Variants in SLC12A1 observed in about 807,000 individuals in gnomAD.
SLC12A1 encodes solute carrier family 12 member 1, also known as Na-K-2Cl cotransporter.
SLC12A1 carries 89 observed loss-of-function variants against 130.4 expected under a neutral mutation model. The observed-to-expected ratio is 0.68, with a 90% CI of 0.58 to 0.81. The LOEUF is 0.81. SLC12A1 is among the 40% of genes least tolerant of loss of function. SLC12A1 has a pLI of 0.00. For missense variants in SLC12A1, 1,310 were observed against 1,336.4 expected (o/e 0.98, Z 0.31); for synonymous variants, 499 against 460.0 (o/e 1.08, Z -1.09).
chr15:48,229,450 G>A (rs1217070780), intron 6 of SLC12A1, 122 bp downstream of exon 6: 2 of 946,412 alleles, frequency 2.1e-6, no homozygotes, highest in Non-Finnish European at 3.1e-6. Flanking sequence ...ATAGTGGAAG[G>A]AGCCTGGGCT....
In SLC12A1 at chr15:48,302,802, T is replaced by C. The variant is rs780186356; in HGVS notation, c.3217T>C (p.Trp1073Arg). 5.0e-6 allele frequency: 8 copies of C among 1,613,402 alleles called. No individual in the cohort carries two copies. The highest frequency in any genetic ancestry group is 1.7e-5 in the Admixed American group (1 of 60,002). ...CATATCGGATTTGTTGTATATGGCT[T>C]GGTTGGAAATCCTCACAAAGAACCT... The part of the protein sequence containing the change: ...GSISDLLYMA[W>R]LEILTKNLPP... The change falls in exon 27 of 27, where the codon TGG becomes CGG. Residue 1073 changes from tryptophan to arginine, a missense_variant. Transcript: ENST00000380993.
Position 48,269,768 on chromosome 15 carries a change from A to C in SLC12A1, c.2402+4A>C. 2 of 1,518,370 alleles carry C rather than the reference A, an allele frequency of 1.3e-6. No homozygotes were observed. The highest frequency in any genetic ancestry group is 1.8e-6 in the Non-Finnish European group (2 of 1,093,526). The allele number at this position is 1,518,370 out of a possible 1,614,324, so 94.1% of individuals were successfully genotyped here. ...AGAACTACGTGGGAATCATACAGTA[A>C]GTGATGGCTTTCAAGACGTGTTCTT... On this transcript the variant is annotated splice_donor_region_variant and intron_variant, in intron 19 of 26. Coordinates refer to ENST00000380993, the MANE Select transcript of SLC12A1 (RefSeq NM_000338.3).
chr15:48,292,657 G>T (rs1261264177), intron 24 of SLC12A1, among the ~76,000 whole-genome samples: 1 of 152,124 alleles, frequency 6.6e-6, no homozygotes, highest in Non-Finnish European at 1.5e-5. Context: ...AGTTCCCTTT[G>T]AGGGCCCTCT....
Position 48,289,423 on chromosome 15 carries a change from AT to A in SLC12A1, c.2873+908del, listed in dbSNP as rs1566857964. On this transcript the variant is annotated intron_variant, in intron 23 of 26. Transcript: ENST00000380993. Reference sequence around the variant, plus strand: ...TATATATATATATATATATATATATATATATAATGTATAACTATGTATAACT... The same window carrying A: ...TATATATATATATATATATATATATAATATAATGTATAACTATGTATAACT... 8.1e-3 allele frequency among the ~76,000 whole-genome samples: 855 copies of A among 105,538 alleles called. 20 individuals are homozygous for A. The highest frequency in any genetic ancestry group is 0.014 in the African/African-American group (391 of 27,424). The allele number at this position is 105,538 out of a possible 152,430, so 69.2% of individuals were successfully genotyped here. A position where few individuals can be genotyped will look rare whatever the true frequency, so the allele number is the denominator to read the frequency against.
At chr15:48,209,862 A>C (rs1363530838) in intron 2 of SLC12A1, among the ~76,000 whole-genome samples, 3 of 152,010 alleles carry the variant, frequency 2.0e-5, no homozygotes, top group African/African-American at 7.3e-5. Context: ...CCCCACCAAA[A>C]CTTGCTAGTC....
intron 15 of SLC12A1, among the ~76,000 whole-genome samples, chr15:48,255,600 G>A (rs2041698230): frequency 6.6e-6 from 1 of 152,208 alleles, no homozygotes; most frequent in Non-Finnish European, 1.5e-5. Context: ...TTGCTGGAAT[G>A]AAGCCTTAGC....
At chr15:48,296,986 AAACTT>A (rs2141126530) in intron 24 of SLC12A1, among the ~76,000 whole-genome samples, 1 of 152,322 alleles carries the variant, frequency 6.6e-6, no homozygotes, top group East Asian at 1.9e-4. Context: ...AAGTAAAAGA[AAACTT>A]AACTCACAGT....
At position 48,244,755 on chromosome 15, in the gene SLC12A1, G is replaced by C; in HGVS notation, c.1303G>C (p.Ala435Pro). The C allele has an allele frequency of 6.2e-7, 1 of 1,613,844 alleles. No individual in the cohort carries two copies. Among genetic ancestry groups the C allele is most frequent in the Non-Finnish European group, 8.5e-7 (1 of 1,179,838 alleles). ...AYLGVAICVG[A>P]CVVRDATGNM... is the part of the protein sequence containing the mutation. The stretch of plus-strand genomic sequence containing the variant: ...ACAAGCCACGGTTGTTTCCACAGGG[G>C]CCTGTGTGGTCCGAGATGCCACCGG... Residue 435 changes from alanine to proline, a missense_variant and splice_region_variant, in exon 11 of 27, where the codon GCC (alanine) becomes CCC (proline). Coordinates refer to ENST00000380993, the MANE Select transcript of SLC12A1 (RefSeq NM_000338.3).
rs144676557 is a variant in SLC12A1 at position 48,293,114 on chromosome 15, G to C, written c.2960+1250G>C. 4.4e-3 allele frequency among the ~76,000 whole-genome samples: 673 copies of C among 152,034 alleles called. 8 individuals carry two copies. The highest frequency in any genetic ancestry group is 0.044 in the Middle Eastern group (13 of 294). The stretch of plus-strand genomic sequence containing the variant: ...GGTAGAGACAGGCTTTCGCCATGTT[G>C]CCCAGGCTGGTCTCAAGCCCCTGAG... On this transcript the variant is annotated intron_variant, in intron 24 of 26. Coordinates refer to ENST00000380993, the MANE Select transcript of SLC12A1 (RefSeq NM_000338.3).
At chr15:48,276,843 A>G (rs781020747) in intron 20 of SLC12A1, among the ~76,000 whole-genome samples, 3 of 152,232 alleles carry the variant, frequency 2.0e-5, no homozygotes, top group Admixed American at 6.5e-5. Flanking sequence ...TGAAGAAACC[A>G]GAAGTCTGGG....
At chr15:48,240,939 T>G (rs2141049292) in intron 9 of SLC12A1, among the ~76,000 whole-genome samples, 1 of 152,326 alleles carries the variant, frequency 6.6e-6, no homozygotes, top group East Asian at 1.9e-4. Context: ...AGCTTGAATT[T>G]GCCTCTTTCT....
chr15:48,247,359 A>G lies in SLC12A1; in HGVS notation c.1583A>G (p.Tyr528Cys), dbSNP rs745451403. The G allele has an allele frequency of 2.7e-5, 44 of 1,613,320 alleles. No homozygotes were observed. The Middle Eastern group carries it at 4.9e-4, about 18-fold the overall frequency. Reference sequence around the variant, plus strand: ...TAGGCTCTGTGCAAGGACAACATCTACAAAGCCCTGCAGTTTTTTGCAAAG... The same window carrying G: ...TAGGCTCTGTGCAAGGACAACATCTGCAAAGCCCTGCAGTTTTTTGCAAAG... ...VFQALCKDNI[Y>C]KALQFFAKGY... Residue 528 changes from tyrosine to cysteine, a missense_variant, in exon 13 of 27, where the codon TAC becomes TGC. By Grantham distance (194) the Tyr-to-Cys change is radical. Transcript: ENST00000380993.
At chr15:48,220,023 T>G (rs2041181393) in intron 2 of SLC12A1, among the ~76,000 whole-genome samples, 1 of 149,494 alleles carries the variant, frequency 6.7e-6, no homozygotes, top group Non-Finnish European at 1.5e-5. Flanking sequence ...GCACAAGAAT[T>G]GCCTTAACCC....
At chr15:48,237,237 G>A in intron 9 of SLC12A1, 1 of 542,752 alleles carries the variant, frequency 1.8e-6, no homozygotes, top group Non-Finnish European at 3.3e-6. Context: ...TGAAACAGAA[G>A]GAATGGGATG....
At chr15:48,273,060 A>C in intron 19 of SLC12A1, among the ~76,000 whole-genome samples, 1 of 147,720 alleles carries the variant, frequency 6.8e-6, no homozygotes, top group Non-Finnish European at 1.5e-5. Context: ...AGCCAATATC[A>C]CACCACTGTG....
chr15:48,290,703 A>G (rs911182888), intron 23 of SLC12A1, among the ~76,000 whole-genome samples: 1 of 151,446 alleles, frequency 6.6e-6, no homozygotes, highest in Non-Finnish European at 1.5e-5. Flanking sequence ...GACTGCATAT[A>G]TATTATGCAT....
intron 2 of SLC12A1, among the ~76,000 whole-genome samples, chr15:48,219,021 A>G (rs1267973191): frequency 6.6e-6 from 1 of 152,176 alleles, no homozygotes; most frequent in Non-Finnish European, 1.5e-5. Flanking sequence ...ACAGGAAAAA[A>G]CCATATAAAA....
chr15:48,299,180 C>T lies in SLC12A1; in HGVS notation c.3001C>T (p.His1001Tyr). 6.2e-7 allele frequency: 1 copy of T among 1,606,830 alleles called. No individual in the cohort carries two copies. The highest frequency in any genetic ancestry group is 8.5e-7 in the Non-Finnish European group (1 of 1,177,686). The change falls in exon 25 of 27, where the codon CAT becomes TAT. Residue 1001 changes from histidine to tyrosine, a missense_variant. His to Tyr is a moderately conservative substitution (Grantham distance 83). Transcript: ENST00000380993. The stretch of plus-strand genomic sequence containing the variant: ...AGAGATGATTGAACCATATCGTCTC[C>T]ATGAAAGCTGCAAAGATTTAACAAC... ...FEEMIEPYRL[H>Y]ESCKDLTTAE...
chr15:48,272,870 G>A (rs913175753), intron 19 of SLC12A1, among the ~76,000 whole-genome samples: 1 of 152,088 alleles, frequency 6.6e-6, no homozygotes, highest in African/African-American at 2.4e-5. Flanking sequence ...CACTTTGGGA[G>A]GCCAAGGTGG....
Sources: gnomAD v4.1 joint callset for allele counts (sites outside exome capture counted in the v4.1 genomes callset) on GRCh38, gnomAD v4.1.1 for gene constraint, MANE v1.5 for transcripts, NCBI Gene and HGNC (gene_info 2026-07-23, HGNC 2026-07-21) for gene names.